VPS13D: variants seen among roughly 807,000 people sequenced by gnomAD.
VPS13D encodes vacuolar protein sorting 13 homolog D.
Under a neutral mutation model 461.9 loss-of-function variants are expected in VPS13D, and 187 were observed. The ratio of observed to expected loss-of-function variants is 0.40; its 90% confidence interval spans 0.36 to 0.46. The LOEUF (loss-of-function observed/expected upper bound fraction) is 0.46. Among genes scored for constraint, VPS13D ranks in the 20% least tolerant of loss-of-function variants. The pLI is 0.60. For synonymous variants in VPS13D, 1,951 were observed against 1,986.3 expected (o/e 0.98, Z 0.47); for missense variants, 4,711 against 5,364.9 (o/e 0.88, Z 3.81).
chr1:12,328,382 C>G (rs1434544522), intron 36 of VPS13D, among the ~76,000 whole-genome samples: 1 of 136,046 alleles, frequency 7.4e-6, no homozygotes, highest in African/African-American at 2.7e-5. Flanking sequence ...TTTTTTACCT[C>G]AAAGGTGAGG....
chr1:12,468,103 G>A (rs1206083158), intron 67 of VPS13D, among the ~76,000 whole-genome samples: 2 of 152,198 alleles, frequency 1.3e-5, no homozygotes, highest in Non-Finnish European at 2.9e-5. Flanking sequence ...TTATACATCT[G>A]TAGTCCCTTC....
rs187443540 is a variant in VPS13D, at chr1:12,392,181, T to C, written c.11634+5847T>C. Among the ~76,000 whole-genome samples the C allele has an allele frequency of 5.1e-3, 780 of 152,256 alleles. 7 individuals are homozygous for C. The highest frequency in any genetic ancestry group is 0.017 in the African/African-American group (705 of 41,574). The stretch of plus-strand genomic sequence containing the variant: ...CCAACCCAAAAATGTTATTTTTCTT[T>C]TGCCATAAATGACTATATTAAGATC... On this transcript the variant is annotated intron_variant, in intron 60 of 69. Coordinates refer to ENST00000620676, the MANE Select transcript of VPS13D (RefSeq NM_015378.4).
intron 19 of VPS13D, among the ~76,000 whole-genome samples, chr1:12,278,516 C>T (rs1157304300): frequency 6.6e-6 from 1 of 152,184 alleles, no homozygotes; most frequent in Non-Finnish European, 1.5e-5. Context: ...CTCAGGTGAT[C>T]TGCCTGCCTC....
At chr1:12,400,465 A>G in intron 61 of VPS13D, 135 bp downstream of exon 61, 1 of 1,101,716 alleles carries the variant, frequency 9.1e-7, no homozygotes, top group Non-Finnish European at 1.3e-6. Flanking sequence ...ATGTGACATA[A>G]TAGATTGTTT....
At chr1:12,422,848 CT>C (rs748419781) in intron 65 of VPS13D, among the ~76,000 whole-genome samples, 1,673 of 130,396 alleles carry the variant, frequency 0.013, 5 homozygotes, top group African/African-American at 0.026. Flanking sequence ...TTTTGAAGGT[CT>C]TTTTTTTTTT....
In VPS13D at chr1:12,323,707, G is replaced by A. The variant is rs1470132644; in HGVS notation, c.7917G>A (p.Glu2639=). 1 of 1,613,472 alleles carries A rather than the reference G, an allele frequency of 6.2e-7. No individual in the cohort carries two copies. The highest frequency in any genetic ancestry group is 1.1e-5 in the South Asian group (1 of 91,000). ...AATTTTATGCTATTTGTTTCCTAGA[G>A]TTACAGCTGGCTAGGCTGCAGGAGC... ...GTRHTLDPVL[E]LQLARLQELG... is the part of the protein sequence containing the mutation. The change falls in exon 35 of 70, where the codon GAG becomes GAA. Residue 2639 remains glutamate (E), a splice_region_variant and synonymous_variant. Coordinates refer to ENST00000620676, the MANE Select transcript of VPS13D (RefSeq NM_015378.4).
At chr1:12,411,215 A>C (rs966064585) in intron 63 of VPS13D, among the ~76,000 whole-genome samples, 7 of 152,234 alleles carry the variant, frequency 4.6e-5, no homozygotes. Flanking sequence ...AGAAAATCTA[A>C]AAGTATTTTC....
chr1:12,256,383 G>T lies in VPS13D; in HGVS notation c.720G>T (p.Glu240Asp). 6.2e-7 allele frequency: 1 copy of T among 1,614,132 alleles called. No homozygotes were observed. Among genetic ancestry groups the T allele is most frequent in the Non-Finnish European group, 8.5e-7 (1 of 1,180,020 alleles). Residue 240 changes from glutamate (E) to aspartate (D), a missense_variant, in exon 8 of 70, where the codon GAG (glutamate) becomes GAT (aspartate). Physicochemically the swap from Glu to Asp is conservative, Grantham distance 45. This residue lies in a region of VPS13D where 4,411 missense variants were observed against 4,937.8 expected (regional missense o/e 0.89). Coordinates refer to ENST00000620676, the MANE Select transcript of VPS13D (RefSeq NM_015378.4). ...MESRSHHYVL[E>D]PVFASALLKR... Reference sequence around the variant, plus strand: ...GTCGCAGCCATCACTACGTCCTGGAGCCTGTGTTTGCATCTGCTCTTTTGA... The same window carrying T: ...GTCGCAGCCATCACTACGTCCTGGATCCTGTGTTTGCATCTGCTCTTTTGA...
rs1308990287 is a variant in VPS13D, at chr1:12,510,282, G to A, written c.*1258G>A. ...TAAGGATTAAGCAGATAGGGAGAAG[G>A]GAAAAGGGGCCTCACTTTAGAATGA... is the stretch of plus-strand genomic sequence containing the variant. On this transcript the variant is annotated 3_prime_UTR_variant, in exon 70 of 70. Transcript: ENST00000620676. 2 of 152,144 alleles carry A rather than the reference G, an allele frequency of 1.3e-5. No homozygotes were observed. Among genetic ancestry groups the A allele is most frequent in the Non-Finnish European group, 2.9e-5 (2 of 68,014 alleles). 9.4% of individuals were successfully genotyped at this position (152,144 alleles called of 1,614,324 possible).
intron 50 of VPS13D, among the ~76,000 whole-genome samples, chr1:12,360,604 C>G (rs1219309145): frequency 6.6e-6 from 1 of 152,058 alleles, no homozygotes; most frequent in Non-Finnish European, 1.5e-5. Flanking sequence ...TAGATATCAC[C>G]TAACTATGAT....
Position 12,299,032 on chromosome 1 carries a change from A to G in VPS13D, c.6034-170A>G, listed in dbSNP as rs983534158. On this transcript the variant is annotated intron_variant, in intron 24 of 69. Transcript: ENST00000620676. The surrounding 1 kb of genome is among the most constrained non-coding windows in gnomAD (Gnocchi z 4.2). ...CTTTCCAAATATTTGGGGATTTTCC[A>G]TTATCTTCTTGTTACTGACTTCCAG... Among the ~76,000 whole-genome samples the G allele has an allele frequency of 2.0e-5, 3 of 152,150 alleles. No individual in the cohort carries two copies. The highest frequency in any genetic ancestry group is 4.4e-5 in the Non-Finnish European group (3 of 68,022).
intron 1 of VPS13D, among the ~76,000 whole-genome samples, chr1:12,231,234 G>A (rs1396032236): frequency 6.6e-6 from 1 of 152,230 alleles, no homozygotes; most frequent in Non-Finnish European, 1.5e-5. Context: ...CTGCCTAGAA[G>A]TCCTGATGGA....
At chr1:12,497,469 C>A in intron 67 of VPS13D, 31 bp from the exon 68 acceptor site, 1 of 1,598,824 alleles carries the variant, frequency 6.3e-7, no homozygotes, top group African/African-American at 1.3e-5. Context: ...CACACTTAAC[C>A]TCTTGGCTTT....
In VPS13D at chr1:12,262,031, A is replaced by C; in HGVS notation, c.1545A>C (p.Gln515His). Residue 515 changes from glutamine (Q) to histidine (H), a missense_variant, in exon 13 of 70, where the codon CAA (glutamine) becomes CAC (histidine). Gln to His is a conservative substitution (Grantham distance 24). Transcript: ENST00000620676. ...RGTVTLLHKEQGTPQMNESAF... is the reference protein window; with the variant it reads ...RGTVTLLHKEHGTPQMNESAF... Reference sequence around the variant, plus strand: ...CAGTGACTCTGTTACACAAGGAGCAAGGAACTCCTCAAATGAATGAAAGTG... The same window carrying C: ...CAGTGACTCTGTTACACAAGGAGCACGGAACTCCTCAAATGAATGAAAGTG... 2 of 1,614,098 alleles carry C rather than the reference A, an allele frequency of 1.2e-6. No individual in the cohort carries two copies. The highest frequency in any genetic ancestry group is 2.2e-5 in the South Asian group (2 of 91,046).
rs573688312 is a variant in VPS13D at position 12,338,106 on chromosome 1, T to C, written c.8552-125T>C. 2.6e-5 allele frequency: 21 copies of C among 811,430 alleles called. No individual in the cohort carries two copies. The South Asian group carries it at 3.2e-4, about 12-fold the overall frequency. 50.3% of individuals were successfully genotyped at this position (811,430 alleles called of 1,614,324 possible). A position where few individuals can be genotyped will look rare whatever the true frequency, so the allele number is the denominator to read the frequency against. On this transcript the variant is annotated intron_variant, in intron 39 of 69. Coordinates refer to ENST00000620676, the MANE Select transcript of VPS13D (RefSeq NM_015378.4). ...CTTAGTAATCACTGATGGGAATGAC[T>C]CTGTACTTGCATGATGCTTGCTATT...
At chr1:12,393,838 C>G in intron 60 of VPS13D, among the ~76,000 whole-genome samples, 1 of 152,200 alleles carries the variant, frequency 6.6e-6, no homozygotes, top group East Asian at 1.9e-4. Context: ...CATTCTGGCA[C>G]TGGTGACATG....
At chr1:12,422,526 T>TGA (rs1644876617) in intron 65 of VPS13D, among the ~76,000 whole-genome samples, 2 of 152,238 alleles carry the variant, frequency 1.3e-5, no homozygotes, top group Non-Finnish European at 2.9e-5. Flanking sequence ...TTGTCTTAAA[T>TGA]CAGTTTTGTT....
rs1645584664 is a variant in VPS13D at position 12,473,183 on chromosome 1, C to G, written c.12662+12787C>G. On this transcript the variant is annotated intron_variant, in intron 67 of 69. Transcript: ENST00000620676. This position sits in a 1 kb window ranked among gnomAD's most constrained non-coding sequence, Gnocchi z 4.2. Reference sequence around the variant, plus strand: ...GGTGCTGATGGGTGTTTTGTAGTTTCCAAGGGAAGTTGCTGAAAGTTTTCT... The same window carrying G: ...GGTGCTGATGGGTGTTTTGTAGTTTGCAAGGGAAGTTGCTGAAAGTTTTCT... 6.6e-6 allele frequency among the ~76,000 whole-genome samples: 1 copy of G among 152,086 alleles called. No individual in the cohort carries two copies. Among genetic ancestry groups the G allele is most frequent in the Non-Finnish European group, 1.5e-5 (1 of 68,018 alleles).
At chr1:12,374,817 A>T (rs975533786) in intron 55 of VPS13D, among the ~76,000 whole-genome samples, 1 of 152,108 alleles carries the variant, frequency 6.6e-6, no homozygotes, top group African/African-American at 2.4e-5. Context: ...AGCTCACTAC[A>T]ACCTCTGCCT....
Sources: gnomAD v4.1 joint callset for allele counts (sites outside exome capture counted in the v4.1 genomes callset) on GRCh38, gnomAD v4.1.1 for gene constraint, gnomAD v4.1.1 regional missense constraint, Gnocchi (gnomAD v3.1) non-coding constraint, MANE v1.5 for transcripts, NCBI Gene and HGNC (gene_info 2026-07-23, HGNC 2026-07-21) for gene names.